The following CLVS1 variants were observed in gnomAD, a reference collection of about 807,000 sequenced individuals.
CLVS1 encodes the protein clavesin 1, also known as clavesin-1.
CLVS1 carries 10 observed loss-of-function variants against 33.1 expected under a neutral mutation model. That is an observed-to-expected ratio of 0.30 (90% confidence interval 0.19 to 0.51). The LOEUF is 0.51. Among genes scored for constraint, CLVS1 ranks in the 20% least tolerant of loss-of-function variants. The pLI, the probability that CLVS1 is intolerant of heterozygous loss-of-function variation, is 0.97. For missense variants in CLVS1, 343 were observed against 433.4 expected (o/e 0.79, Z 1.85); for synonymous variants, 163 against 166.1 (o/e 0.98, Z 0.14).
chr8:61,044,300 C>T, the CLVS1 span, among the ~76,000 whole-genome samples: 2 of 152,146 alleles, frequency 1.3e-5, no homozygotes, highest in Admixed American at 6.5e-5. Context: ...AAAAATATTT[C>T]TTGACATGCT....
the CLVS1 span, among the ~76,000 whole-genome samples, chr8:61,041,494 G>A: frequency 6.6e-6 from 1 of 151,914 alleles, no homozygotes; most frequent in South Asian, 2.1e-4. Flanking sequence ...TTATGTCATC[G>A]CTGATTTCTT....
chr8:61,309,061 A>G (rs900062796), intron 2 of CLVS1, among the ~76,000 whole-genome samples: 11 of 152,224 alleles, frequency 7.2e-5, no homozygotes, highest in Non-Finnish European at 1.5e-4. Context: ...GGCTCAATGT[A>G]AACAACGCAG....
At chr8:61,405,635 C>G (rs1187506561) in intron 3 of CLVS1, among the ~76,000 whole-genome samples, 3 of 150,502 alleles carry the variant, frequency 2.0e-5, no homozygotes, top group African/African-American at 7.3e-5. Context: ...GATGGGTAGT[C>G]AAGGGCCAAA....
intron 2 of CLVS1, among the ~76,000 whole-genome samples, chr8:61,136,830 G>C (rs965024614): frequency 9.9e-5 from 15 of 152,162 alleles, no homozygotes; most frequent in African/African-American, 3.4e-4. Context: ...ATGTAGCCCG[G>C]AAGTTAAAAT....
chr8:61,170,258 CA>C (rs1554541995), intron 2 of CLVS1, among the ~76,000 whole-genome samples: 1 of 152,114 alleles, frequency 6.6e-6, no homozygotes, highest in Non-Finnish European at 1.5e-5. Context: ...AGCTAGATTT[CA>C]GAACCATCTC....
At chr8:61,059,670 A>G (rs932672305) in intron 1 of CLVS1, among the ~76,000 whole-genome samples, 1 of 151,018 alleles carries the variant, frequency 6.6e-6, no homozygotes, top group Non-Finnish European at 1.5e-5. Flanking sequence ...AATTAGCCGG[A>G]TGTGGTGACG....
chr8:61,121,580 A>C (rs146545082), intron 1 of CLVS1, among the ~76,000 whole-genome samples: 1 of 152,222 alleles, frequency 6.6e-6, no homozygotes, highest in Non-Finnish European at 1.5e-5. Flanking sequence ...AAATAAAATT[A>C]TCATACAGAA....
At chr8:61,479,530 C>T (rs1818100363) in intron 5 of CLVS1, among the ~76,000 whole-genome samples, 2 of 152,118 alleles carry the variant, frequency 1.3e-5, no homozygotes, top group South Asian at 4.1e-4. Context: ...TTGGTTCTAA[C>T]TTCCTCCTTT....
At chr8:61,354,621 T>A (rs1285372209) in intron 2 of CLVS1, among the ~76,000 whole-genome samples, 1 of 152,142 alleles carries the variant, frequency 6.6e-6, no homozygotes, top group African/African-American at 2.4e-5. Flanking sequence ...AACTGGTACA[T>A]CCATACCATT....
rs1229733077 is a variant in CLVS1 at position 61,392,725 on chromosome 8, T to G, written c.630+15946T>G. On this transcript the variant is annotated intron_variant, in intron 3 of 5. Coordinates refer to ENST00000325897, the MANE Select transcript of CLVS1 (RefSeq NM_173519.3). ...ATACAAGAAAACTAGCTGGGCTTGG[T>G]GCCACACGGCTGTAATCCCAGCTAC... Among the ~76,000 whole-genome samples, 3 of 151,456 alleles carry G rather than the reference T, an allele frequency of 2.0e-5. No homozygotes were observed. The East Asian group carries it at 6.0e-4, about 30-fold the overall frequency.
chr8:61,149,563 A>C (rs1382108136), intron 2 of CLVS1, among the ~76,000 whole-genome samples: 7 of 149,720 alleles, frequency 4.7e-5, no homozygotes, highest in African/African-American at 7.4e-5. Flanking sequence ...AAAAAAAAAA[A>C]AAAAACAAAA....
intron 3 of CLVS1, among the ~76,000 whole-genome samples, chr8:61,407,217 A>G (rs112067490): frequency 0.019 from 2,871 of 152,312 alleles, 79 homozygotes; most frequent in African/African-American, 0.065. Flanking sequence ...CACCATGGCT[A>G]GAACATACCT....
At chr8:61,470,683 T>C (rs1217168399) in intron 5 of CLVS1, among the ~76,000 whole-genome samples, 2 of 152,228 alleles carry the variant, frequency 1.3e-5, no homozygotes, top group Non-Finnish European at 2.9e-5. Flanking sequence ...AATGAGCATA[T>C]GAATGAAAAC....
chr8:61,238,011 C>G (rs2129313588), intron 2 of CLVS1, among the ~76,000 whole-genome samples: 1 of 152,242 alleles, frequency 6.6e-6, no homozygotes, highest in South Asian at 2.1e-4. Flanking sequence ...AGTTTAATTA[C>G]TGGTTTGGTC....
At chr8:61,086,245 A>G (rs144707477) in intron 1 of CLVS1, among the ~76,000 whole-genome samples, 25 of 151,738 alleles carry the variant, frequency 1.6e-4, no homozygotes, top group African/African-American at 5.8e-4. Flanking sequence ...ATAAATAAAT[A>G]AATAAAATGC....
At chr8:61,183,120 G>A (rs1241838486) in intron 2 of CLVS1, among the ~76,000 whole-genome samples, 1 of 147,418 alleles carries the variant, frequency 6.8e-6, no homozygotes, top group Non-Finnish European at 1.5e-5. Context: ...CACAGGGAGG[G>A]GAACAACACA....
At chr8:60,998,912 G>C in the CLVS1 span, among the ~76,000 whole-genome samples, 1 of 152,194 alleles carries the variant, frequency 6.6e-6, no homozygotes, top group East Asian at 1.9e-4. Context: ...TTTGCCCCCA[G>C]GGAGTGCTAC....
chr8:61,283,027 A>G (rs1008434436), upstream of CLVS1, among the ~76,000 whole-genome samples: 5 of 152,202 alleles, frequency 3.3e-5, no homozygotes, highest in African/African-American at 1.2e-4. Flanking sequence ...ATAACGGGGG[A>G]AGGAGAGTTC....
intron 1 of CLVS1, among the ~76,000 whole-genome samples, chr8:61,093,189 T>C (rs1043763047): frequency 1.3e-5 from 2 of 152,210 alleles, no homozygotes; most frequent in Non-Finnish European, 2.9e-5. Context: ...TTATGATGTA[T>C]ACCAATATAA....
Sources: allele counts gnomAD v4.1 joint callset (sites outside exome capture counted in the v4.1 genomes callset), GRCh38; gene constraint gnomAD v4.1.1; transcripts MANE v1.5; gene names NCBI Gene and HGNC (gene_info 2026-07-23, HGNC 2026-07-21).